The following GALNT18 variants were observed in gnomAD, a reference collection of about 807,000 sequenced individuals.
The protein encoded by GALNT18 is GalNAc-transferase 18.
A neutral mutation model predicts 69.5 loss-of-function variants in GALNT18; 44 were observed. That is an observed-to-expected ratio of 0.63 (90% confidence interval 0.50 to 0.81). GALNT18 has a LOEUF of 0.81. Among genes scored for constraint, GALNT18 ranks in the 40% least tolerant of loss-of-function variants. The pLI, the probability that GALNT18 is intolerant of heterozygous loss-of-function variation, is 0.00. For synonymous variants in GALNT18, 364 were observed against 318.2 expected, an observed-to-expected ratio of 1.14 and a Z score of -1.53; for missense variants, 715 against 810.0, an observed-to-expected ratio of 0.88 and a Z score of 1.42.
At chr11:11,466,125 C>T (rs957460941) in intron 1 of GALNT18, among the ~76,000 whole-genome samples, 1 of 151,520 alleles carries the variant, frequency 6.6e-6, no homozygotes, top group Non-Finnish European at 1.5e-5. Flanking sequence ...GTGTGATTAA[C>T]TCTGACACAT....
At chr11:11,403,080 C>T (rs373627080) in intron 3 of GALNT18, among the ~76,000 whole-genome samples, 1 of 152,158 alleles carries the variant, frequency 6.6e-6, no homozygotes, top group African/African-American at 2.4e-5. Flanking sequence ...AGACAGGGAA[C>T]AAATCAGGGG....
intron 10 of GALNT18, among the ~76,000 whole-genome samples, chr11:11,277,388 ATTCT>A (rs1848971827): frequency 1.3e-5 from 2 of 151,354 alleles, no homozygotes; most frequent in African/African-American, 4.9e-5. Flanking sequence ...CATCTATTTG[ATTCT>A]TCTCTTTTTT....
intron 1 of GALNT18, among the ~76,000 whole-genome samples, chr11:11,524,616 C>G (rs375776954): frequency 6.6e-6 from 1 of 152,194 alleles, no homozygotes; most frequent in African/African-American, 2.4e-5. Context: ...TGGGAAGACA[C>G]GTGGAACAGA....
At chr11:11,456,667 T>G (rs2133831618) in intron 1 of GALNT18, among the ~76,000 whole-genome samples, 1 of 152,330 alleles carries the variant, frequency 6.6e-6, no homozygotes, top group Non-Finnish European at 1.5e-5. Context: ...ATATTTTGAC[T>G]ACCAGTTGCT....
chr11:11,525,962 A>C (rs535873953), intron 1 of GALNT18, among the ~76,000 whole-genome samples: 1 of 152,270 alleles, frequency 6.6e-6, no homozygotes, highest in Admixed American at 6.5e-5. Flanking sequence ...GTGTCACTGC[A>C]ACATGCTAAT....
chr11:11,516,274 ATCCC>A (rs1564989018), intron 1 of GALNT18, among the ~76,000 whole-genome samples: 1 of 152,222 alleles, frequency 6.6e-6, no homozygotes, highest in Non-Finnish European at 1.5e-5. Flanking sequence ...CAAATAGCCC[ATCCC>A]TGGAATGTTG....
intron 7 of GALNT18, among the ~76,000 whole-genome samples, chr11:11,336,849 A>C (rs1480013100): frequency 6.6e-6 from 1 of 152,212 alleles, no homozygotes; most frequent in East Asian, 1.9e-4. Context: ...AGTTTCAGAC[A>C]AGTAAACATA....
chr11:11,423,580 C>G (rs1564941468), intron 3 of GALNT18, among the ~76,000 whole-genome samples: 1 of 152,366 alleles, frequency 6.6e-6, no homozygotes. Context: ...CAGACACACC[C>G]TTCTCTGAAG....
intron 3 of GALNT18, among the ~76,000 whole-genome samples, chr11:11,391,088 C>T (rs1854180674): frequency 6.6e-6 from 1 of 152,188 alleles, no homozygotes; most frequent in Non-Finnish European, 1.5e-5. Flanking sequence ...CACCCTCTGT[C>T]CTGCATTTCT....
intron 1 of GALNT18, among the ~76,000 whole-genome samples, chr11:11,451,813 T>C (rs896934806): frequency 6.6e-6 from 1 of 152,078 alleles, no homozygotes; most frequent in Admixed American, 6.5e-5. Context: ...AGTGAAAAGG[T>C]TAAATGTCTA....
chr11:11,473,732 A>G (rs187840654), intron 1 of GALNT18, among the ~76,000 whole-genome samples: 1 of 152,334 alleles, frequency 6.6e-6, no homozygotes, highest in Admixed American at 6.5e-5. Flanking sequence ...CTGAACACCT[A>G]TTGCATGTCA....
chr11:11,534,050 C>G (rs570002980), intron 1 of GALNT18, among the ~76,000 whole-genome samples: 31 of 152,328 alleles, frequency 2.0e-4, no homozygotes, highest in African/African-American at 7.2e-4. Context: ...ATGCTAGCAC[C>G]CCTACGTCAC....
chr11:11,490,666 G>A (rs985445329), intron 1 of GALNT18, among the ~76,000 whole-genome samples: 3 of 152,174 alleles, frequency 2.0e-5, no homozygotes, highest in African/African-American at 7.2e-5. Flanking sequence ...ACAAGGAAAT[G>A]CAAGTCTTCC....
rs942323317 is a variant in GALNT18, at chr11:11,436,403, G to T, written c.429-3616C>A. 1.3e-5 allele frequency among the ~76,000 whole-genome samples: 2 copies of T among 151,320 alleles called. No homozygotes were observed. Among genetic ancestry groups the T allele is most frequent in the Non-Finnish European group, 2.9e-5 (2 of 67,860 alleles). ...CCATCGTGACTATGTAGGGTGACAAGCTCATCCCAGTTTGCCCAGGACCTT... is the reference window on the plus strand; with the variant it reads ...CCATCGTGACTATGTAGGGTGACAATCTCATCCCAGTTTGCCCAGGACCTT... On this transcript the variant is annotated intron_variant, in intron 2 of 10. Coordinates refer to ENST00000227756, the MANE Select transcript of GALNT18 (RefSeq NM_198516.3). The surrounding 1 kb of genome is among the most constrained non-coding windows in gnomAD (Gnocchi z 4.5).
chr11:11,362,888 G>T (rs766982878), intron 6 of GALNT18, among the ~76,000 whole-genome samples: 3 of 152,136 alleles, frequency 2.0e-5, no homozygotes, highest in Admixed American at 6.5e-5. Context: ...GTATGCAAAA[G>T]ACTATTAATT....
At chr11:11,376,269 C>G in intron 5 of GALNT18, among the ~76,000 whole-genome samples, 1 of 152,144 alleles carries the variant, frequency 6.6e-6, no homozygotes, top group East Asian at 1.9e-4. Context: ...GTTATCCCAC[C>G]TACTTGGGAG....
chr11:11,556,406 A>G (rs963342282), intron 1 of GALNT18, among the ~76,000 whole-genome samples: 1 of 152,274 alleles, frequency 6.6e-6, no homozygotes, highest in Non-Finnish European at 1.5e-5. Flanking sequence ...TAAGTCGCCA[A>G]CATGGCACCG....
In GALNT18 at chr11:11,305,680, T is replaced by C. The variant is rs530556443; in HGVS notation, c.1513-12487A>G. ...AAAATGCTGCCAACCTCCGAGGATG[T>C]TGGCAGAATTACATAGAAGGATTTG... On this transcript the variant is annotated intron_variant, in intron 9 of 10. Coordinates refer to ENST00000227756, the MANE Select transcript of GALNT18 (RefSeq NM_198516.3). Among the ~76,000 whole-genome samples, 320 of 152,220 alleles carry C rather than the reference T, an allele frequency of 2.1e-3. 2 individuals carry two copies. The highest frequency in any genetic ancestry group is 7.3e-3 in the African/African-American group (303 of 41,536).
intron 10 of GALNT18, among the ~76,000 whole-genome samples, chr11:11,275,975 C>T (rs1164295836): frequency 6.6e-6 from 1 of 152,146 alleles, no homozygotes; most frequent in African/African-American, 2.4e-5. Flanking sequence ...CTGATGCATC[C>T]AGCTTTGTTA....
Sources: gnomAD v4.1 joint callset for allele counts (sites outside exome capture counted in the v4.1 genomes callset) on GRCh38, gnomAD v4.1.1 for gene constraint, Gnocchi (gnomAD v3.1) non-coding constraint, MANE v1.5 for transcripts, NCBI Gene and HGNC (gene_info 2026-07-23, HGNC 2026-07-21) for gene names.